The following PPP3CA variants were observed in gnomAD, a reference collection of about 807,000 sequenced individuals.
PPP3CA encodes CAM-PRP catalytic subunit.
Under a neutral mutation model 66.5 loss-of-function variants are expected in PPP3CA, and 14 were observed. The observed-to-expected ratio is 0.21, with a 90% CI of 0.14 to 0.33. The LOEUF (loss-of-function observed/expected upper bound fraction) is 0.33, where lower values mean the gene tolerates loss of function less well. Among genes scored for constraint, PPP3CA ranks in the 10% least tolerant of loss-of-function variants. The probability of loss-of-function intolerance (pLI) is 1.00; values close to 1 mark genes in which losing one functional copy is unlikely to be tolerated. For missense variants in PPP3CA, 317 were observed against 639.5 expected (o/e 0.50, Z 5.44); for synonymous variants, 232 against 226.2 (o/e 1.03, Z -0.23).
At chr4:101,276,076 G>T in intron 1 of PPP3CA, among the ~76,000 whole-genome samples, 1 of 151,702 alleles carries the variant, frequency 6.6e-6, no homozygotes, top group East Asian at 1.9e-4. Flanking sequence ...TAATTTTTTT[G>T]TACAGATAAG....
chr4:101,227,783 G>A (rs1268379071), intron 1 of PPP3CA, among the ~76,000 whole-genome samples: 2 of 151,638 alleles, frequency 1.3e-5, no homozygotes, highest in Non-Finnish European at 3.0e-5. Context: ...TGTACTCAAT[G>A]TTTAGCTCCC....
At chr4:101,223,168 T>C (rs192629410) in intron 1 of PPP3CA, among the ~76,000 whole-genome samples, 1 of 151,872 alleles carries the variant, frequency 6.6e-6, no homozygotes, top group East Asian at 1.9e-4. Flanking sequence ...TGGCTTAAAT[T>C]TGACCTTGGC....
At chr4:101,155,320 A>C (rs921584679) in intron 2 of PPP3CA, among the ~76,000 whole-genome samples, 1 of 152,226 alleles carries the variant, frequency 6.6e-6, no homozygotes, top group Non-Finnish European at 1.5e-5. Context: ...AGATGAATGC[A>C]TGAATTAATG....
At chr4:101,188,031 G>A (rs1189744024) in intron 2 of PPP3CA, among the ~76,000 whole-genome samples, 1 of 152,064 alleles carries the variant, frequency 6.6e-6, no homozygotes, top group African/African-American at 2.4e-5. Context: ...AGAACTAGGT[G>A]TATCAAATGC....
chr4:101,031,074 A>G (rs961492178), intron 12 of PPP3CA, among the ~76,000 whole-genome samples: 4 of 126,730 alleles, frequency 3.2e-5, no homozygotes, highest in African/African-American at 1.0e-4. Context: ...TCTTTTTGTA[A>G]AAACTCAAAA....
At chr4:101,260,663 A>C (rs1397599198) in intron 1 of PPP3CA, among the ~76,000 whole-genome samples, 2 of 152,116 alleles carry the variant, frequency 1.3e-5, no homozygotes, top group Admixed American at 1.3e-4. Context: ...TCTCTCTCTA[A>C]AATGTAAGTC....
At chr4:101,276,014 C>T in intron 1 of PPP3CA, among the ~76,000 whole-genome samples, 1 of 151,936 alleles carries the variant, frequency 6.6e-6, no homozygotes, top group East Asian at 1.9e-4. Flanking sequence ...CCTGCCTCAG[C>T]CTCCTGCGTA....
In PPP3CA at chr4:101,044,103, A is replaced by G. The variant is rs933588164; in HGVS notation, c.1157-3537T>C. 6.6e-5 allele frequency among the ~76,000 whole-genome samples: 10 copies of G among 152,214 alleles called. 1 individual carries two copies. The highest frequency in any genetic ancestry group is 1.3e-4 in the Admixed American group (2 of 15,284). On this transcript the variant is annotated intron_variant, in intron 10 of 13. Coordinates refer to ENST00000394854, the MANE Select transcript of PPP3CA (RefSeq NM_000944.5). ...ATATAATCTCACAAAGATTTATAATACTGAAATAAAATATGTGGATTGATG... is the reference window on the plus strand; with the variant it reads ...ATATAATCTCACAAAGATTTATAATGCTGAAATAAAATATGTGGATTGATG...
chr4:101,124,728 A>AAAGAGAAAGAAAGAAAGG (rs1722169650), intron 2 of PPP3CA, among the ~76,000 whole-genome samples: 1 of 52,112 alleles, frequency 1.9e-5, no homozygotes, highest in East Asian at 5.2e-4. Flanking sequence ...AAAGAAAGAG[A>AAAGAGAAAGAAAGAAAGG]AAGAAAGAAA....
At chr4:101,213,328 GCA>G (rs1304703067) in intron 1 of PPP3CA, among the ~76,000 whole-genome samples, 2 of 152,198 alleles carry the variant, frequency 1.3e-5, no homozygotes, top group African/African-American at 4.8e-5. Context: ...AACCTATAAT[GCA>G]CACAGTGTTT....
At chr4:101,122,856 G>T (rs878891029) in intron 2 of PPP3CA, among the ~76,000 whole-genome samples, 1 of 151,754 alleles carries the variant, frequency 6.6e-6, no homozygotes, top group South Asian at 2.1e-4. Flanking sequence ...CAATGGTGAA[G>T]AAAAATTGAA....
intron 10 of PPP3CA, among the ~76,000 whole-genome samples, chr4:101,052,114 A>G (rs1435449233): frequency 1.3e-5 from 2 of 152,070 alleles, no homozygotes; most frequent in Admixed American, 6.6e-5. Flanking sequence ...CATTTGTGCA[A>G]TCATAGTAGT....
intron 5 of PPP3CA, among the ~76,000 whole-genome samples, chr4:101,094,792 T>A (rs1730120039): frequency 6.6e-6 from 1 of 152,144 alleles, no homozygotes; most frequent in Admixed American, 6.5e-5. Flanking sequence ...TTTAAACACT[T>A]TAGTTTATCC....
chr4:101,267,134 T>C (rs1367072613), intron 1 of PPP3CA, among the ~76,000 whole-genome samples: 1 of 152,200 alleles, frequency 6.6e-6, no homozygotes, highest in African/African-American at 2.4e-5. Context: ...AACCTCAAAC[T>C]GAGTAGGAGG....
intron 8 of PPP3CA, among the ~76,000 whole-genome samples, chr4:101,075,782 A>C (rs1374888791): frequency 6.6e-6 from 1 of 152,114 alleles, no homozygotes; most frequent in Non-Finnish European, 1.5e-5. Flanking sequence ...CCATAGACTA[A>C]TTTTCACTCT....
At chr4:101,321,189 G>T (rs1729031082) in intron 1 of PPP3CA, among the ~76,000 whole-genome samples, 1 of 152,152 alleles carries the variant, frequency 6.6e-6, no homozygotes, top group Non-Finnish European at 1.5e-5. Context: ...ACATTTTATA[G>T]ATATAATGCT....
intron 11 of PPP3CA, among the ~76,000 whole-genome samples, chr4:101,033,844 G>A (rs1037610078): frequency 6.6e-6 from 1 of 152,070 alleles, no homozygotes; most frequent in Non-Finnish European, 1.5e-5. Context: ...GTTTCTCTTG[G>A]ACATTTCATA....
intron 2 of PPP3CA, among the ~76,000 whole-genome samples, chr4:101,168,200 T>G (rs1723754812): frequency 6.6e-6 from 1 of 152,090 alleles, no homozygotes; most frequent in South Asian, 2.1e-4. Context: ...TAAAAGAACT[T>G]TCAGACAGAC....
At chr4:101,029,347 T>TAAAAAAAAAAAAAAAAGAA (rs1726817508) in intron 12 of PPP3CA, 152 bp from the exon 13 acceptor site, 1 of 78,822 alleles carries the variant, frequency 1.3e-5, no homozygotes, top group Non-Finnish European at 2.1e-5. Context: ...ACAGAAATGC[T>TAAAAAAAAAAAAAAAAGAA]AAAAAAAAAA....
Sources: gnomAD v4.1 joint callset for allele counts (sites outside exome capture counted in the v4.1 genomes callset) on GRCh38, gnomAD v4.1.1 for gene constraint, MANE v1.5 for transcripts, NCBI Gene and HGNC (gene_info 2026-07-23, HGNC 2026-07-21) for gene names.